Variants in RNF180 observed in about 807,000 individuals in gnomAD.
RNF180 encodes the protein ring finger protein 180, also known as E3 ubiquitin-protein ligase RNF180.
RNF180 carries 38 observed loss-of-function variants against 59.2 expected under a neutral mutation model. The observed-to-expected ratio is 0.64, with a 90% confidence interval of 0.50 to 0.84. RNF180 has a LOEUF of 0.84. RNF180 is among the 40% of genes least tolerant of loss of function. The pLI, the probability that RNF180 is intolerant of heterozygous loss-of-function variation, is 0.00. For synonymous variants in RNF180, 262 were observed against 240.3 expected, an observed-to-expected ratio of 1.09 and a Z score of -0.84; for missense variants, 705 against 700.9, an observed-to-expected ratio of 1.01 and a Z score of -0.07.
intron 1 of RNF180, among the ~76,000 whole-genome samples, chr5:64,191,146 A>C (rs1751136336): frequency 6.6e-6 from 1 of 152,206 alleles, no homozygotes; most frequent in African/African-American, 2.4e-5. Flanking sequence ...TTTTTAGAGC[A>C]GTCTGTTTAT....
intron 5 of RNF180, among the ~76,000 whole-genome samples, chr5:64,303,333 T>C (rs1743257552): frequency 6.6e-6 from 1 of 151,610 alleles, no homozygotes; most frequent in African/African-American, 2.4e-5. Context: ...GAGTCACATA[T>C]GTCTCACTTT....
At chr5:64,296,807 C>T (rs1742906148) in intron 5 of RNF180, among the ~76,000 whole-genome samples, 1 of 152,154 alleles carries the variant, frequency 6.6e-6, no homozygotes, top group African/African-American at 2.4e-5. Context: ...TTTTCCAAGA[C>T]TTGTACTGTC....
At chr5:64,247,363 C>G (rs1490473751) in intron 5 of RNF180, among the ~76,000 whole-genome samples, 2 of 152,152 alleles carry the variant, frequency 1.3e-5, no homozygotes, top group Non-Finnish European at 2.9e-5. Context: ...CATAGAAAAT[C>G]CCATCGTCTC....
rs114948077 is a variant in RNF180, at chr5:64,347,012, C to T, written c.1579+16606C>T. On this transcript the variant is annotated intron_variant, in intron 7 of 7. Coordinates refer to ENST00000389100, the MANE Select transcript of RNF180 (RefSeq NM_001113561.2). ...AATGCAATGTTATAAATAAAAGAGACGAACAGTGTTTGCCTTATACCGAAA... is the reference window on the plus strand; with the variant it reads ...AATGCAATGTTATAAATAAAAGAGATGAACAGTGTTTGCCTTATACCGAAA... Among the ~76,000 whole-genome samples, 303 of 152,266 alleles carry T rather than the reference C, an allele frequency of 2.0e-3. 1 individual carries two copies. The highest frequency in any genetic ancestry group is 6.9e-3 in the African/African-American group (285 of 41,564).
Position 64,341,708 on chromosome 5 carries a change from G to T in RNF180, c.1579+11302G>T, listed in dbSNP as rs565949925. ...CATGAAGAGTAGAGTACTCTTGGGG[G>T]TGATGGTGGATACTCACTCCTGGGA... On this transcript the variant is annotated intron_variant, in intron 7 of 7. Coordinates refer to ENST00000389100, the MANE Select transcript of RNF180 (RefSeq NM_001113561.2). 1.5e-3 allele frequency among the ~76,000 whole-genome samples: 225 copies of T among 152,250 alleles called. 1 individual carries two copies. Among genetic ancestry groups the T allele is most frequent in the African/African-American group, 5.2e-3 (216 of 41,560 alleles).
At chr5:64,302,785 A>G (rs1163649207) in intron 5 of RNF180, among the ~76,000 whole-genome samples, 2 of 151,754 alleles carry the variant, frequency 1.3e-5, no homozygotes, top group South Asian at 2.1e-4. Flanking sequence ...ACTTTTGTCC[A>G]AGGATTTGTA....
intron 7 of RNF180, among the ~76,000 whole-genome samples, chr5:64,339,901 A>G (rs1199377471): frequency 6.6e-6 from 1 of 152,188 alleles, no homozygotes; most frequent in African/African-American, 2.4e-5. Context: ...GTATTAACAC[A>G]TAAAATGGGT....
chr5:64,184,004 T>C (rs1750748194), intron 1 of RNF180, among the ~76,000 whole-genome samples: 1 of 152,184 alleles, frequency 6.6e-6, no homozygotes, highest in African/African-American at 2.4e-5. Context: ...AATGAGTTTG[T>C]TAGTGTGGGC....
chr5:64,198,818 A>ATTT (rs60172784), intron 1 of RNF180, among the ~76,000 whole-genome samples: 1 of 146,778 alleles, frequency 6.8e-6, no homozygotes, highest in Non-Finnish European at 1.5e-5. Flanking sequence ...AAATTAAACA[A>ATTT]TTTTTTTTTT....
rs1315964962 is a variant in RNF180, at chr5:64,337,783, T to C, written c.1579+7377T>C. The stretch of plus-strand genomic sequence containing the variant: ...TTGGTTTTTTGTCCTTGCGATAGTT[T>C]ACTGAGAATGATGATTTCCAGTTTC... On this transcript the variant is annotated intron_variant, in intron 7 of 7. Transcript: ENST00000389100. Among the ~76,000 whole-genome samples the C allele has an allele frequency of 2.0e-5, 3 of 152,126 alleles. No individual in the cohort carries two copies. In the East Asian group the frequency reaches 5.8e-4, roughly 30 times the overall value.
intron 5 of RNF180, among the ~76,000 whole-genome samples, chr5:64,255,685 C>G (rs551221260): frequency 6.6e-6 from 1 of 152,186 alleles, no homozygotes; most frequent in African/African-American, 2.4e-5. Context: ...GTTATAGCAG[C>G]ATGATTTATA....
intron 7 of RNF180, among the ~76,000 whole-genome samples, chr5:64,359,349 T>C (rs1746154153): frequency 6.7e-6 from 1 of 150,268 alleles, no homozygotes; most frequent in African/African-American, 2.4e-5. Context: ...AGATGGTATC[T>C]CATTGTGGTT....
intron 5 of RNF180, among the ~76,000 whole-genome samples, chr5:64,272,305 G>T (rs1239233156): frequency 2.6e-5 from 4 of 152,072 alleles, no homozygotes; most frequent in Admixed American, 6.6e-5. Flanking sequence ...TAGTAAATGA[G>T]TAGGAGTTAA....
chr5:64,177,147 C>CT (rs1343322791), intron 1 of RNF180, among the ~76,000 whole-genome samples: 1 of 152,142 alleles, frequency 6.6e-6, no homozygotes, highest in African/African-American at 2.4e-5. Flanking sequence ...CTACACGTGT[C>CT]TGACTTAGAA....
chr5:64,206,955 G>A (rs1266071916), intron 2 of RNF180, among the ~76,000 whole-genome samples: 1 of 152,028 alleles, frequency 6.6e-6, no homozygotes, highest in Non-Finnish European at 1.5e-5. Flanking sequence ...TTTTGTGATG[G>A]CATCCCAAGC....
chr5:64,320,999 C>T (rs916296446), intron 5 of RNF180, among the ~76,000 whole-genome samples: 2 of 151,880 alleles, frequency 1.3e-5, no homozygotes, highest in African/African-American at 4.8e-5. Flanking sequence ...GATCGCGCCA[C>T]TGCACTCTAA....
chr5:64,338,829 G>A (rs1036473861), intron 7 of RNF180, among the ~76,000 whole-genome samples: 3 of 151,702 alleles, frequency 2.0e-5, no homozygotes, highest in East Asian at 1.9e-4. Context: ...ATTATCATAC[G>A]GCTTTACTTC....
Position 64,168,256 on chromosome 5 carries a change from C to T in RNF180, c.-1+2303C>T, listed in dbSNP as rs1007656511. On this transcript the variant is annotated intron_variant, in intron 1 of 7. Coordinates refer to ENST00000389100, the MANE Select transcript of RNF180 (RefSeq NM_001113561.2). Reference sequence around the variant, plus strand: ...GCTAAATTTGGCAGAATGATTTCTACATGGTTGTAAAACTCAGTTCTACCT... The same window carrying T: ...GCTAAATTTGGCAGAATGATTTCTATATGGTTGTAAAACTCAGTTCTACCT... Among the ~76,000 whole-genome samples the T allele has an allele frequency of 5.9e-5, 9 of 152,260 alleles. No homozygotes were observed. In the East Asian group the frequency reaches 1.5e-3, roughly 26 times the overall value.
chr5:64,210,651 T>G (rs1465541331), intron 2 of RNF180, among the ~76,000 whole-genome samples: 1 of 152,168 alleles, frequency 6.6e-6, no homozygotes. Flanking sequence ...CCTATTAGTC[T>G]GTCATATGCT....
Sources: gnomAD v4.1 joint callset for allele counts (sites outside exome capture counted in the v4.1 genomes callset) on GRCh38, gnomAD v4.1.1 for gene constraint, MANE v1.5 for transcripts, NCBI Gene and HGNC (gene_info 2026-07-23, HGNC 2026-07-21) for gene names.